The following ARFGEF2 variants were observed in gnomAD, a reference collection of about 807,000 sequenced individuals.
The protein encoded by ARFGEF2 is brefeldin A-inhibited guanine nucleotide-exchange protein 2.
ARFGEF2 carries 74 observed loss-of-function variants against 219.9 expected under a neutral mutation model. The ratio of observed to expected loss-of-function variants is 0.34; its 90% CI spans 0.28 to 0.41. The LOEUF (loss-of-function observed/expected upper bound fraction) is 0.41, where lower values mean the gene tolerates loss of function less well. Among genes scored for constraint, ARFGEF2 ranks in the 10% least tolerant of loss-of-function variants. ARFGEF2 has a pLI of 1.00. For missense variants in ARFGEF2, 1,743 were observed against 2,218.3 expected, an observed-to-expected ratio of 0.79 and a Z score of 4.30; for synonymous variants, 733 against 799.2, an observed-to-expected ratio of 0.92 and a Z score of 1.40.
At chr20:48,950,811 A>AAAAAAAAAAT (rs1176537072) in intron 3 of ARFGEF2, among the ~76,000 whole-genome samples, 1 of 64,482 alleles carries the variant, frequency 1.6e-5, no homozygotes, top group African/African-American at 7.5e-5. Flanking sequence ...AAAAAAAAAA[A>AAAAAAAAAAT]ATATATATAT....
chr20:49,034,438 T>C lies in ARFGEF2; in HGVS notation c.*1239T>C, dbSNP rs1437527543. 2 of 152,196 alleles carry C rather than the reference T, an allele frequency of 1.3e-5. No homozygotes were observed. The highest frequency in any genetic ancestry group is 2.4e-5 in the African/African-American group (1 of 41,452). 9.4% of individuals were successfully genotyped at this position (152,196 alleles called of 1,614,324 possible). A position where few individuals can be genotyped will look rare whatever the true frequency, so the allele number is the denominator to read the frequency against. On this transcript the variant is annotated 3_prime_UTR_variant, in exon 39 of 39. Transcript: ENST00000371917. ...CAGTAGAACTGAGTTCTGCTGCAGC[T>C]TGTGTAAAAGTGGGCAGTACACAAG... is the stretch of plus-strand genomic sequence containing the variant.
At chr20:48,971,040 G>A in intron 9 of ARFGEF2, 80 bp from the exon 10 acceptor site, 1 of 1,164,958 alleles carries the variant, frequency 8.6e-7, no homozygotes, top group African/African-American at 1.5e-5. Flanking sequence ...CATTGGTAAA[G>A]GAGCAAGGCC....
At chr20:48,960,680 CTGT>C (rs1415091209) in intron 6 of ARFGEF2, among the ~76,000 whole-genome samples, 1 of 151,586 alleles carries the variant, frequency 6.6e-6, no homozygotes, top group Non-Finnish European at 1.5e-5. Context: ...GACTGGGTTT[CTGT>C]TGTTGACCAG....
intron 21 of ARFGEF2, 119 bp from the exon 22 acceptor site, chr20:48,994,332 A>T: frequency 8.2e-7 from 1 of 1,218,472 alleles, no homozygotes; most frequent in South Asian, 1.2e-5. Flanking sequence ...ATTTGCATAA[A>T]CATCTATATG....
intron 3 of ARFGEF2, among the ~76,000 whole-genome samples, chr20:48,948,524 A>G (rs894534208): frequency 6.6e-6 from 1 of 152,192 alleles, no homozygotes; most frequent in Non-Finnish European, 1.5e-5. Flanking sequence ...AGAAGAGACC[A>G]GTGAGGTAGA....
At chr20:48,979,644 A>C (rs1232604195) in intron 14 of ARFGEF2, among the ~76,000 whole-genome samples, 3 of 152,144 alleles carry the variant, frequency 2.0e-5, no homozygotes, top group Admixed American at 6.5e-5. Flanking sequence ...TTATTGCCTC[A>C]ATTTCAGAGC....
intron 1 of ARFGEF2, among the ~76,000 whole-genome samples, chr20:48,935,711 C>A (rs2090944742): frequency 6.7e-6 from 1 of 149,936 alleles, no homozygotes; most frequent in African/African-American, 2.5e-5. Context: ...GGGCGGCTAG[C>A]CGGGCGGGGG....
chr20:48,965,980 G>T lies in ARFGEF2; in HGVS notation c.1016G>T (p.Gly339Val). Residue 339 changes from glycine (G) to valine (V), a missense_variant, in exon 8 of 39, where the codon GGG (glycine) becomes GTG (valine). This residue lies in a region of ARFGEF2 where 394 missense variants were observed against 426.6 expected (regional missense o/e 0.92). Transcript: ENST00000371917. ...PGVDENSQTNGIADDRQSLSS... is the reference protein window; with the variant it reads ...PGVDENSQTNVIADDRQSLSS... ...GTTGATGAAAACTCACAGACCAACG[G>T]GATAGCCGATGACAGGCAGTCCTTG... 6.2e-7 allele frequency: 1 copy of T among 1,614,114 alleles called. No homozygotes were observed. The highest frequency in any genetic ancestry group is 8.5e-7 in the Non-Finnish European group (1 of 1,179,996).
At chr20:48,997,753 C>T (rs2091400936) in intron 23 of ARFGEF2, among the ~76,000 whole-genome samples, 1 of 152,242 alleles carries the variant, frequency 6.6e-6, no homozygotes, top group East Asian at 1.9e-4. Context: ...CTTCAGCTTC[C>T]AAATCTAATT....
At chr20:48,972,488 A>C in intron 11 of ARFGEF2, 63 bp downstream of exon 11, 2 of 1,262,964 alleles carry the variant, frequency 1.6e-6, no homozygotes, top group Non-Finnish European at 2.3e-6. Flanking sequence ...CACAGCTCAG[A>C]TTAAGACTTC....
chr20:49,013,523 G>A (rs1188445954), intron 28 of ARFGEF2, 41 bp from the exon 29 acceptor site: 1 of 1,613,536 alleles, frequency 6.2e-7, no homozygotes, highest in Middle Eastern at 1.7e-4. Flanking sequence ...CCTTCCTTTT[G>A]CATGCTTAGT....
At chr20:48,932,319 G>A (rs945850103) in intron 1 of ARFGEF2, among the ~76,000 whole-genome samples, 8 of 152,154 alleles carry the variant, frequency 5.3e-5, no homozygotes, top group Non-Finnish European at 1.2e-4. Flanking sequence ...TAAAGAGGAC[G>A]GCAGCAGAAC....
chr20:48,963,174 T>TAAAAAAAAAAAA (rs1177418270), intron 6 of ARFGEF2, among the ~76,000 whole-genome samples: 1 of 66,110 alleles, frequency 1.5e-5, no homozygotes, highest in African/African-American at 1.0e-4. Context: ...AAACTCTGTC[T>TAAAAAAAAAAAA]CAAAAAAAAA....
chr20:48,936,946 A>AT (rs1446434875), intron 1 of ARFGEF2, among the ~76,000 whole-genome samples: 1 of 151,470 alleles, frequency 6.6e-6, no homozygotes, highest in Non-Finnish European at 1.5e-5. Flanking sequence ...TTTTGTTGGG[A>AT]TTGTTCTTCC....
intron 25 of ARFGEF2, among the ~76,000 whole-genome samples, chr20:49,001,694 C>T (rs2091426072): frequency 6.6e-6 from 1 of 152,170 alleles, no homozygotes; most frequent in African/African-American, 2.4e-5. Flanking sequence ...TTTGGCCACC[C>T]TCCCCCACAC....
chr20:49,011,273 C>T (rs2091495964), intron 27 of ARFGEF2, among the ~76,000 whole-genome samples: 2 of 152,174 alleles, frequency 1.3e-5, no homozygotes, highest in South Asian at 4.1e-4. Context: ...TGACCAGAGA[C>T]TTGCAGGAAT....
intron 26 of ARFGEF2, among the ~76,000 whole-genome samples, chr20:49,009,083 G>A (rs191639282): frequency 0.015 from 2,319 of 151,820 alleles, 66 homozygotes; most frequent in South Asian, 0.085. Context: ...TAACAATCAG[G>A]CAAAAAAACA....
At chr20:48,963,393 A>T (rs927626189) in intron 6 of ARFGEF2, among the ~76,000 whole-genome samples, 1 of 152,164 alleles carries the variant, frequency 6.6e-6, no homozygotes, top group Non-Finnish European at 1.5e-5. Flanking sequence ...CTGGGTTTAC[A>T]GTGTGAGAAG....
chr20:48,988,227 G>A, intron 16 of ARFGEF2, 77 bp from the exon 17 acceptor site: 3 of 1,080,192 alleles, frequency 2.8e-6, no homozygotes, highest in South Asian at 1.3e-5. Context: ...CTTTTCTCGT[G>A]AAGTGTGTCT....
Sources: allele counts gnomAD v4.1 joint callset (sites outside exome capture counted in the v4.1 genomes callset), GRCh38; gene constraint gnomAD v4.1.1; regional missense constraint gnomAD v4.1.1; transcripts MANE v1.5; gene names NCBI Gene and HGNC (gene_info 2026-07-23, HGNC 2026-07-21).